Variants in MEIKIN observed in about 807,000 individuals in gnomAD.
The protein encoded by MEIKIN is meiotic kinetochore factor.
chr5:131,832,852 A>G (rs1410959488), intron 11 of MEIKIN, among the ~76,000 whole-genome samples: 1 of 152,216 alleles, frequency 6.6e-6, no homozygotes, highest in Non-Finnish European at 1.5e-5. Flanking sequence ...GCAGGGCACC[A>G]AGCCTCTAGG....
chr5:131,874,333 A>G (rs547674767), intron 9 of MEIKIN, among the ~76,000 whole-genome samples: 2 of 152,354 alleles, frequency 1.3e-5, no homozygotes, highest in Non-Finnish European at 2.9e-5. Flanking sequence ...GATCCCACAG[A>G]AATACAAACT....
intron 7 of MEIKIN, 46 bp downstream of exon 7, chr5:131,916,840 T>C (rs1349056069): frequency 1.0e-5 from 4 of 396,194 alleles, no homozygotes; most frequent in African/African-American, 4.1e-5. Flanking sequence ...ACTATTATAA[T>C]ACAGGGTTTC....
chr5:131,841,748 C>T (rs577341053), intron 11 of MEIKIN, among the ~76,000 whole-genome samples: 1 of 152,192 alleles, frequency 6.6e-6, no homozygotes, highest in African/African-American at 2.4e-5. Context: ...TTTATTTGTG[C>T]CTTCAATTTC....
intron 11 of MEIKIN, among the ~76,000 whole-genome samples, chr5:131,820,737 CT>C (rs1215821263): frequency 1.6e-4 from 24 of 152,266 alleles, no homozygotes; most frequent in Non-Finnish European, 1.0e-4. Context: ...ATGGTTCAAT[CT>C]TTGTAGGTTC....
chr5:131,918,055 T>C (rs1294764278), intron 6 of MEIKIN, among the ~76,000 whole-genome samples: 1 of 152,184 alleles, frequency 6.6e-6, no homozygotes, highest in Non-Finnish European at 1.5e-5. Context: ...AGCCCATGTG[T>C]AAGGTCCAGG....
intron 9 of MEIKIN, among the ~76,000 whole-genome samples, chr5:131,860,283 T>G (rs1370137487): frequency 4.6e-5 from 7 of 150,924 alleles, no homozygotes; most frequent in Non-Finnish European, 7.4e-5. Context: ...ATGCCTAGTT[T>G]TTTTTTTTTT....
intron 9 of MEIKIN, among the ~76,000 whole-genome samples, chr5:131,875,825 C>G (rs534854901): frequency 1.3e-5 from 2 of 152,218 alleles, no homozygotes; most frequent in Non-Finnish European, 2.9e-5. Flanking sequence ...GAACACAGCA[C>G]TCAGAAATAA....
At chr5:131,822,921 T>C (rs1222726652) in intron 11 of MEIKIN, among the ~76,000 whole-genome samples, 1 of 148,448 alleles carries the variant, frequency 6.7e-6, no homozygotes, top group African/African-American at 2.5e-5. Flanking sequence ...TATTTCTCCT[T>C]CATGCTTAAA....
chr5:131,852,293 G>A (rs1750128810), intron 10 of MEIKIN, among the ~76,000 whole-genome samples: 1 of 152,000 alleles, frequency 6.6e-6, no homozygotes, highest in African/African-American at 2.4e-5. Flanking sequence ...AGTTTTCCCT[G>A]CTCTTCCATG....
chr5:131,878,489 C>T (rs1360236958), intron 9 of MEIKIN, among the ~76,000 whole-genome samples: 6 of 152,036 alleles, frequency 3.9e-5, no homozygotes, highest in Non-Finnish European at 7.4e-5. Flanking sequence ...ATGGCATGAA[C>T]CCAGGAGGCA....
At chr5:131,906,130 A>G (rs139208540) in intron 8 of MEIKIN, among the ~76,000 whole-genome samples, 4 of 152,364 alleles carry the variant, frequency 2.6e-5, no homozygotes, top group African/African-American at 9.6e-5. Flanking sequence ...TACATCTCAC[A>G]AAGGTCTAAT....
chr5:131,887,381 G>T (rs1338536000), intron 8 of MEIKIN, among the ~76,000 whole-genome samples: 1 of 152,100 alleles, frequency 6.6e-6, no homozygotes, highest in Non-Finnish European at 1.5e-5. Context: ...GGGTCAAATG[G>T]TATTTCTAGT....
At chr5:131,868,695 C>T (rs1195490439) in intron 9 of MEIKIN, among the ~76,000 whole-genome samples, 1 of 151,048 alleles carries the variant, frequency 6.6e-6, no homozygotes, top group East Asian at 2.0e-4. Flanking sequence ...ATCTCAGCCT[C>T]CCGACAGGGA....
intron 11 of MEIKIN, among the ~76,000 whole-genome samples, chr5:131,832,365 A>C (rs1580863617): frequency 6.6e-6 from 1 of 152,134 alleles, no homozygotes; most frequent in African/African-American, 2.4e-5. Context: ...CTGATGCAAA[A>C]GGTGGGTTCT....
chr5:131,880,422 G>A (rs2149628980), intron 8 of MEIKIN, among the ~76,000 whole-genome samples: 1 of 136,322 alleles, frequency 7.3e-6, no homozygotes, highest in South Asian at 2.4e-4. Context: ...TTTTTTTTAA[G>A]TAGAGACGGG....
At chr5:131,813,899 T>C (rs370626576) in intron 12 of MEIKIN, among the ~76,000 whole-genome samples, 2 of 152,088 alleles carry the variant, frequency 1.3e-5, no homozygotes, top group Non-Finnish European at 2.9e-5. Context: ...AGTCCCACAA[T>C]AGGCCATCTG....
intron 12 of MEIKIN, among the ~76,000 whole-genome samples, chr5:131,817,628 TC>T (rs1773126677): frequency 1.5e-5 from 2 of 129,764 alleles, no homozygotes; most frequent in South Asian, 4.9e-4. Context: ...AAAAAAAAAA[TC>T]CCCTCTCATA....
intron 11 of MEIKIN, among the ~76,000 whole-genome samples, chr5:131,848,555 A>G (rs902178768): frequency 1.3e-5 from 2 of 152,216 alleles, no homozygotes; most frequent in African/African-American, 2.4e-5. Context: ...AACAAGGAAA[A>G]GCCCTAATTC....
chr5:131,867,688 T>C (rs1048838866), intron 9 of MEIKIN, among the ~76,000 whole-genome samples: 2 of 152,234 alleles, frequency 1.3e-5, no homozygotes, highest in African/African-American at 4.8e-5. Context: ...CTCCATGTCT[T>C]TTCATTGCTG....
Sources: gnomAD v4.1 joint callset for allele counts (sites outside exome capture counted in the v4.1 genomes callset) on GRCh38, gnomAD v4.1.1 for gene constraint, MANE v1.5 for transcripts, NCBI Gene and HGNC (gene_info 2026-07-23, HGNC 2026-07-21) for gene names.